The following IGSF22 variants were observed in gnomAD, a reference collection of about 807,000 sequenced individuals.
The protein encoded by IGSF22 is immunoglobulin superfamily, member 22.
Under a neutral mutation model 127.0 loss-of-function variants are expected in IGSF22, and 119 were observed. The ratio of observed to expected loss-of-function variants is 0.94; its 90% CI spans 0.81 to 1.09. The LOEUF (loss-of-function observed/expected upper bound fraction) is 1.09. Among genes scored for constraint, IGSF22 ranks in the 50% least tolerant of loss-of-function variants. The pLI is 0.00. For missense variants in IGSF22, 1,518 were observed against 1,716.6 expected, an observed-to-expected ratio of 0.88 and a Z score of 2.04; for synonymous variants, 568 against 664.7, an observed-to-expected ratio of 0.85 and a Z score of 2.24.
At chr11:18,722,912 C>A (rs1405998694) in intron 2 of IGSF22, among the ~76,000 whole-genome samples, 1 of 152,218 alleles carries the variant, frequency 6.6e-6, no homozygotes, top group Non-Finnish European at 1.5e-5. Flanking sequence ...GACACCTGGC[C>A]TGCAGATGTC....
chr11:18,712,070 T>C lies in IGSF22; in HGVS notation c.2398+12A>G, dbSNP rs1267340767. ...CTGGGTTCCCCACTGAGCACCAGGC[T>C]ATCTCACTGACCTATGGGATTTCCT... On this transcript the variant is annotated intron_variant, in intron 15 of 22. Coordinates refer to ENST00000513874, the MANE Select transcript of IGSF22 (RefSeq NM_173588.4). 6.5e-7 allele frequency: 1 copy of C among 1,543,196 alleles called. No homozygotes were observed. The highest frequency in any genetic ancestry group is 8.8e-7 in the Non-Finnish European group (1 of 1,141,138).
Position 18,709,363 on chromosome 11 carries a change from C to T in IGSF22, c.2998+24G>A, listed in dbSNP as rs1363706450. On this transcript the variant is annotated intron_variant, in intron 18 of 22. Transcript: ENST00000513874. This position sits in a 1 kb window ranked among gnomAD's most constrained non-coding sequence, Gnocchi z 4.8. Reference sequence around the variant, plus strand: ...TGGAGGTACAATGTTGGGCATGAATCCCCAGCCCTCTCTGTGTCCTCACCT... The same window carrying T: ...TGGAGGTACAATGTTGGGCATGAATTCCCAGCCCTCTCTGTGTCCTCACCT... 1 of 1,605,672 alleles carries T rather than the reference C, an allele frequency of 6.2e-7. No individual in the cohort carries two copies. The highest frequency in any genetic ancestry group is 1.7e-5 in the Admixed American group (1 of 59,908).
intron 7 of IGSF22, among the ~76,000 whole-genome samples, chr11:18,719,245 A>T (rs868120715): frequency 7.2e-5 from 11 of 152,046 alleles, no homozygotes; most frequent in Non-Finnish European, 1.3e-4. Flanking sequence ...CCTGGGTTCA[A>T]GCAATTCTCC....
At chr11:18,705,278 G>A (rs538283751) in intron 22 of IGSF22, 1 of 151,292 alleles carries the variant, frequency 6.6e-6, no homozygotes, top group African/African-American at 2.4e-5. Flanking sequence ...GTGTGGCTAT[G>A]AAGACAGTAG....
rs200877662 is a variant in IGSF22 at position 18,714,053 on chromosome 11, G to A, written c.1894C>T (p.Arg632Trp). The A allele has an allele frequency of 8.0e-5, 129 of 1,614,272 alleles. No individual in the cohort carries two copies. Among genetic ancestry groups the A allele is most frequent in the East Asian group, 4.9e-4 (22 of 44,890 alleles). The change falls in exon 14 of 23, where the codon CGG becomes TGG. Residue 632 changes from arginine (R) to tryptophan (W), a missense_variant. Around this residue, in one of 3 missense-constraint regions of IGSF22, gnomAD observed 1,456 missense variants for 1,644.9 expected, o/e 0.89. Transcript: ENST00000513874. Reference sequence around the variant, plus strand: ...GTCACTTTGGGCAGTGGTTTTCCCCGGAAGGGGACCTTGATGTGGGCCGTG... The same window carrying A: ...GTCACTTTGGGCAGTGGTTTTCCCCAGAAGGGGACCTTGATGTGGGCCGTG... ...GHTAHIKVPFRGKPLPKVTWY... is the reference protein window; with the variant it reads ...GHTAHIKVPFWGKPLPKVTWY...
At chr11:18,707,640 C>T (rs1848266485) in intron 20 of IGSF22, among the ~76,000 whole-genome samples, 164 bp downstream of exon 20, 1 of 152,184 alleles carries the variant, frequency 6.6e-6, no homozygotes, top group South Asian at 2.1e-4. Flanking sequence ...ACTCTCTCTG[C>T]CGACCATACT....
In IGSF22 at chr11:18,712,352, A is replaced by G. The variant is rs377131445; in HGVS notation, c.2128T>C (p.Phe710Leu). 2 of 1,551,416 alleles carry G rather than the reference A, an allele frequency of 1.3e-6. No homozygotes were observed. The highest frequency in any genetic ancestry group is 1.7e-6 in the Non-Finnish European group (2 of 1,146,856). ...RPKPPQGRVE[F>L]LELSGSCVHM... ...ACACAACTACCTGAGAGCTCCAGGA[A>G]CTCCACCCGGCCCTGTGGAGGCTTT... is the stretch of plus-strand genomic sequence containing the variant. The change falls in exon 15 of 23, where the codon TTC becomes CTC. Residue 710 changes from phenylalanine to leucine, a missense_variant. Phe to Leu is a conservative substitution (Grantham distance 22). Coordinates refer to ENST00000513874, the MANE Select transcript of IGSF22 (RefSeq NM_173588.4).
intron 19 of IGSF22, 49 bp from the exon 20 acceptor site, chr11:18,708,045 G>A: frequency 1.2e-6 from 2 of 1,603,594 alleles, no homozygotes; most frequent in South Asian, 2.2e-5. Context: ...ATGATATTTG[G>A]GGGCAGGCCT....
intron 15 of IGSF22, 65 bp downstream of exon 15, chr11:18,712,017 T>C: frequency 1.5e-6 from 2 of 1,369,200 alleles, no homozygotes; most frequent in Non-Finnish European, 2.0e-6. Context: ...CAGTGTTCCT[T>C]CCTGGCTTAA....
chr11:18,724,365 G>T, intron 1 of IGSF22, 96 bp from the exon 2 acceptor site: 1 of 637,988 alleles, frequency 1.6e-6, no homozygotes, highest in Non-Finnish European at 2.8e-6. Flanking sequence ...GGAGATGGAA[G>T]CACACAGGAG....
chr11:18,707,305 G>A, intron 20 of IGSF22, 92 bp from the exon 21 acceptor site: 2 of 1,172,476 alleles, frequency 1.7e-6, no homozygotes, highest in Non-Finnish European at 2.3e-6. Context: ...TGGAAGATAA[G>A]ATGGGGCAAG....
Position 18,707,788 on chromosome 11 carries a change from T to G in IGSF22, c.3280+16A>C, listed in dbSNP as rs1290224842. On this transcript the variant is annotated intron_variant, in intron 20 of 22. Coordinates refer to ENST00000513874, the MANE Select transcript of IGSF22 (RefSeq NM_173588.4). ...TACAGGGATGGGTCTTGGAGGCCTC[T>G]GCCTTCTCTCCATACCTGCCACGCG... The G allele has an allele frequency of 1.3e-6, 2 of 1,558,168 alleles. No homozygotes were observed.
chr11:18,718,452 GGTGAAACA>G (rs1202825130), intron 8 of IGSF22, among the ~76,000 whole-genome samples, 155 bp downstream of exon 8: 1 of 152,170 alleles, frequency 6.6e-6, no homozygotes, highest in Non-Finnish European at 1.5e-5. Flanking sequence ...ACAACAAAGG[GGTGAAACA>G]GTTAAGAGTA....
chr11:18,721,189 C>A (rs1252245623), intron 4 of IGSF22, among the ~76,000 whole-genome samples: 1 of 152,202 alleles, frequency 6.6e-6, no homozygotes, highest in Non-Finnish European at 1.5e-5. Context: ...GTCCCGCCCT[C>A]CATGGCTACG....
chr11:18,721,420 T>A, intron 4 of IGSF22, 115 bp downstream of exon 4: 1 of 1,393,602 alleles, frequency 7.2e-7, no homozygotes, highest in Non-Finnish European at 1.0e-6. Flanking sequence ...CTTTTCCCAC[T>A]GCCCGGCTCT....
chr11:18,708,066 T>C, intron 19 of IGSF22, 70 bp from the exon 20 acceptor site: 1 of 1,581,784 alleles, frequency 6.3e-7, no homozygotes, highest in Non-Finnish European at 8.7e-7. Context: ...TCCTCCATTG[T>C]CGAGGAGTTT....
chr11:18,718,043 C>A lies in IGSF22; in HGVS notation c.861G>T (p.Lys287Asn). ...IQYSLGKYDV[K>N]QMGTKYMLVI... is the part of the protein sequence containing the mutation. ...CCAGCATGTACTTGGTGCCCATCTGCTTCACATCGTACTTGCCCAGGGAGT... is the reference window on the plus strand; with the variant it reads ...CCAGCATGTACTTGGTGCCCATCTGATTCACATCGTACTTGCCCAGGGAGT... The change falls in exon 9 of 23, where the codon AAG (lysine) becomes AAT (asparagine). Residue 287 changes from lysine (K) to asparagine (N), a missense_variant. Lys to Asn is a moderately conservative substitution (Grantham distance 94). Transcript: ENST00000513874. 1 of 1,614,210 alleles carries A rather than the reference C, an allele frequency of 6.2e-7. No homozygotes were observed. Among genetic ancestry groups the A allele is most frequent in the Non-Finnish European group, 8.5e-7 (1 of 1,180,034 alleles).
chr11:18,714,366 A>G lies in IGSF22; in HGVS notation c.1709T>C (p.Leu570Pro). The change falls in exon 13 of 23, where the codon CTC becomes CCC. Residue 570 changes from leucine (L) to proline (P), a missense_variant. Leu to Pro is a moderately conservative substitution (Grantham distance 98). Coordinates refer to ENST00000513874, the MANE Select transcript of IGSF22 (RefSeq NM_173588.4). ...QIVKQGAVHK[L>P]IFPSMGPEHE... ...CTCAGGGCCCATACTGGGAAAGATG[A>G]GCTTGTGCACTGCACCCTGCTTCAC... 6.2e-7 allele frequency: 1 copy of G among 1,614,192 alleles called. No individual in the cohort carries two copies. Among genetic ancestry groups the G allele is most frequent in the Non-Finnish European group, 8.5e-7 (1 of 1,180,042 alleles).
At chr11:18,714,899 G>C (rs1166411186) in intron 11 of IGSF22, among the ~76,000 whole-genome samples, 1 of 152,180 alleles carries the variant, frequency 6.6e-6, no homozygotes, top group Admixed American at 6.5e-5. Flanking sequence ...GTGGGGAATT[G>C]ATTAGTGGAG....
Sources: allele counts gnomAD v4.1 joint callset (sites outside exome capture counted in the v4.1 genomes callset), GRCh38; gene constraint gnomAD v4.1.1; regional missense constraint gnomAD v4.1.1; non-coding constraint Gnocchi (gnomAD v3.1); transcripts MANE v1.5; gene names NCBI Gene and HGNC (gene_info 2026-07-23, HGNC 2026-07-21).